The following UGT2B7 variants were observed in gnomAD, a reference collection of about 807,000 sequenced individuals.
UGT2B7 encodes the protein UDP glucuronosyltransferase family 2 member B7.
In UGT2B7, 51 loss-of-function variants were observed where a neutral mutation model predicts 51.9. The ratio of observed to expected loss-of-function variants is 0.98; its 90% CI spans 0.78 to 1.24. The LOEUF is 1.24. Among genes scored for constraint, UGT2B7 ranks in the 50% most tolerant of loss-of-function variants. UGT2B7 has a pLI of 0.00. For missense variants in UGT2B7, 727 were observed against 628.4 expected, an observed-to-expected ratio of 1.16 and a Z score of -1.68; for synonymous variants, 225 against 211.6, an observed-to-expected ratio of 1.06 and a Z score of -0.55.
intron 1 of UGT2B7, among the ~76,000 whole-genome samples, chr4:69,059,017 T>G (rs1718279998): frequency 6.6e-6 from 1 of 152,168 alleles, no homozygotes; most frequent in Non-Finnish European, 1.5e-5. Context: ...AGGGCCATCG[T>G]ACAGGAAGGC....
At chr4:69,084,009 T>G (rs1718893835) in intron 1 of UGT2B7, among the ~76,000 whole-genome samples, 1 of 152,130 alleles carries the variant, frequency 6.6e-6, no homozygotes, top group South Asian at 2.1e-4. Flanking sequence ...ATGTTACCTG[T>G]GCATTTGTCA....
At chr4:69,064,094 AAGAG>A (rs112391559) in intron 1 of UGT2B7, among the ~76,000 whole-genome samples, 7 of 84,422 alleles carry the variant, frequency 8.3e-5, no homozygotes, top group Non-Finnish European at 1.7e-4. Context: ...GAAAGAAAGA[AAGAG>A]AAAGAAAGAA....
rs1238352365 is a variant in UGT2B7 at position 69,108,285 on chromosome 4, T to C, written c.1273T>C (p.Leu425=). 6.2e-7 allele frequency: 1 copy of C among 1,613,608 alleles called. No homozygotes were observed. The highest frequency in any genetic ancestry group is 1.3e-5 in the African/African-American group (1 of 75,006). ...VDFNTMSSTD[L]LNALKRVIND... ...CTTCAACACAATGTCGAGTACAGAC[T>C]TGCTGAATGCATTGAAGAGAGTAAT... The change falls in exon 5 of 6, where the codon TTG becomes CTG. Residue 425 remains leucine (L), a synonymous_variant. Coordinates refer to ENST00000305231, the MANE Select transcript of UGT2B7 (RefSeq NM_001074.4).
rs771621759 is a variant in UGT2B7, at chr4:69,064,080, GAA to G, written c.-159+12480_-159+12481del. Among the ~76,000 whole-genome samples the G allele has an allele frequency of 9.5e-3, 990 of 104,634 alleles. 34 individuals carry two copies. Among genetic ancestry groups the G allele is most frequent in the African/African-American group, 0.034 (662 of 19,406 alleles). The allele number at this position is 104,634 out of a possible 152,430, so 68.6% of individuals were successfully genotyped here. A position where few individuals can be genotyped will look rare whatever the true frequency, so the allele number is the denominator to read the frequency against. On this transcript the variant is annotated intron_variant, in intron 1 of 5. Coordinates refer to the UGT2B7 transcript ENST00000502942. ...AGAAAGAAAGAAAGAAAGAAAGAAA[GAA>G]AGAAAGAAAGAAAGAGAAAGAAAGA... is the stretch of plus-strand genomic sequence containing the variant.
In UGT2B7 at chr4:69,054,631, C is replaced by T. The variant is rs143010858; in HGVS notation, c.-159+3029C>T. ...AGTTTATTCTAGTAGGCCCAACCTC[C>T]GAGACAATCCTTAACCATCAGTAGA... is the stretch of plus-strand genomic sequence containing the variant. On this transcript the variant is annotated intron_variant, in intron 1 of 5. Transcript: ENST00000502942. Among the ~76,000 whole-genome samples the T allele has an allele frequency of 6.6e-3, 996 of 152,038 alleles. 1 individual carries two copies. The highest frequency in any genetic ancestry group is 0.012 in the Admixed American group (179 of 15,250).
chr4:69,070,573 C>T (rs1718579432), intron 1 of UGT2B7, among the ~76,000 whole-genome samples: 1 of 151,478 alleles, frequency 6.6e-6, no homozygotes, highest in Non-Finnish European at 1.5e-5. Context: ...GTAACTGAGA[C>T]TTTTAAAGAA....
In UGT2B7 at chr4:69,086,449, C is replaced by A. The variant is rs192416123; in HGVS notation, c.-158-3023C>A. On this transcript the variant is annotated intron_variant, in intron 1 of 5. Coordinates refer to the UGT2B7 transcript ENST00000502942. The stretch of plus-strand genomic sequence containing the variant: ...GCTATTGAGAAGATTACATACTCTG[C>A]AGCTGTTGGATGGAATGTTCTGTAA... Among the ~76,000 whole-genome samples, 775 of 151,946 alleles carry A rather than the reference C, an allele frequency of 5.1e-3. 2 individuals are homozygous for A. Among genetic ancestry groups the A allele is most frequent in the Non-Finnish European group, 8.0e-3 (543 of 67,822 alleles).
intron 2 of UGT2B7, among the ~76,000 whole-genome samples, chr4:69,100,894 G>T (rs1719397068): frequency 6.6e-6 from 1 of 152,052 alleles, no homozygotes; most frequent in Non-Finnish European, 1.5e-5. Context: ...TTGACAAAAT[G>T]TATCAGGTGT....
chr4:69,077,181 T>A (rs1409494221), intron 1 of UGT2B7, among the ~76,000 whole-genome samples: 1 of 152,194 alleles, frequency 6.6e-6, no homozygotes, highest in African/African-American at 2.4e-5. Flanking sequence ...TTGGTTACTG[T>A]ACCCTTGTAG....
intron 1 of UGT2B7, among the ~76,000 whole-genome samples, chr4:69,052,581 A>AGGGG (rs1560495722): frequency 1.3e-5 from 2 of 151,416 alleles, no homozygotes; most frequent in African/African-American, 4.8e-5. Context: ...AAAAAAAAAA[A>AGGGG]AAAAAAAAAA....
chr4:69,102,657 C>A (rs755388380), intron 2 of UGT2B7, 150 bp from the exon 3 acceptor site: 2 of 1,234,116 alleles, frequency 1.6e-6, no homozygotes, highest in African/African-American at 1.5e-5. Context: ...TGCAAAAAAA[C>A]TGAGTGATTG....
chr4:69,065,196 T>A (rs1389888711), intron 1 of UGT2B7, among the ~76,000 whole-genome samples: 1 of 152,156 alleles, frequency 6.6e-6, no homozygotes, highest in Non-Finnish European at 1.5e-5. Flanking sequence ...TCAGTGTATT[T>A]TTCAGAGGGC....
upstream of UGT2B7, among the ~76,000 whole-genome samples, chr4:69,095,267 A>G (rs1302891046): frequency 2.6e-5 from 4 of 152,156 alleles, no homozygotes; most frequent in Non-Finnish European, 5.9e-5. Context: ...TTTTAAGGAG[A>G]TCATAGATGG....
rs531303720 is a variant in UGT2B7, at chr4:69,073,628, G to C, written c.-158-15844G>C. Among the ~76,000 whole-genome samples, 3 of 152,248 alleles carry C rather than the reference G, an allele frequency of 2.0e-5. No homozygotes were observed. In the South Asian group the frequency reaches 6.2e-4, roughly 32 times the overall value. ...CATAATGAGGACATGCAGGTTGCAA[G>C]AGTTAAGTCAGAATGAAATACACTT... On this transcript the variant is annotated intron_variant, in intron 1 of 5. Transcript: ENST00000502942.
chr4:69,107,448 C>A (rs72853597), intron 4 of UGT2B7, among the ~76,000 whole-genome samples, 186 bp downstream of exon 4: 27,162 of 151,986 alleles, frequency 0.18, 2,572 homozygotes, highest in East Asian at 0.39. Flanking sequence ...TGATATACAC[C>A]CACATTCTTT....
intron 1 of UGT2B7, among the ~76,000 whole-genome samples, chr4:69,057,779 A>G (rs2109860594): frequency 6.6e-6 from 1 of 152,332 alleles, no homozygotes; most frequent in Middle Eastern, 3.4e-3. Context: ...GAACTTTAAG[A>G]AAGGCTTTGT....
At chr4:69,088,301 T>C (rs1719005589) in intron 1 of UGT2B7, among the ~76,000 whole-genome samples, 2 of 151,746 alleles carry the variant, frequency 1.3e-5, no homozygotes, top group African/African-American at 4.8e-5. Context: ...CATTTCCACT[T>C]CTTTGCAAAA....
intron 1 of UGT2B7, among the ~76,000 whole-genome samples, chr4:69,084,829 G>A (rs1718913997): frequency 6.6e-6 from 1 of 152,128 alleles, no homozygotes; most frequent in African/African-American, 2.4e-5. Flanking sequence ...AGTATTTCAT[G>A]GTATATATTG....
Position 69,108,101 on chromosome 4 carries a change from A to T in UGT2B7, c.1091-2A>T. On this transcript the variant is annotated splice_acceptor_variant, in intron 4 of 5. Transcript: ENST00000305231. LOFTEE classifies it high-confidence loss of function. ...ATTTTGCTAAAATTCATCCAATCCT[A>T]GGTCATCCAAAGACCAGAGCTTTTA... The T allele has an allele frequency of 1.2e-6, 2 of 1,613,352 alleles. No individual in the cohort carries two copies. Among genetic ancestry groups the T allele is most frequent in the Non-Finnish European group, 1.7e-6 (2 of 1,179,474 alleles).
Sources: allele counts gnomAD v4.1 joint callset (sites outside exome capture counted in the v4.1 genomes callset), GRCh38; gene constraint gnomAD v4.1.1; transcripts MANE v1.5; gene names NCBI Gene and HGNC (gene_info 2026-07-23, HGNC 2026-07-21).